Variants in PCDH9 observed in about 807,000 individuals in gnomAD.
PCDH9 encodes protocadherin 9.
PCDH9 carries 24 observed loss-of-function variants against 70.6 expected under a neutral mutation model. That is an observed-to-expected ratio of 0.34 (90% CI 0.25 to 0.48). The LOEUF is 0.48. Among genes scored for constraint, PCDH9 ranks in the 20% least tolerant of loss-of-function variants. The pLI is 0.99. For missense variants in PCDH9, 1,281 were observed against 1,503.6 expected, an observed-to-expected ratio of 0.85 and a Z score of 2.45; for synonymous variants, 562 against 558.5, an observed-to-expected ratio of 1.01 and a Z score of -0.09.
chr13:66,654,611 C>A (rs550303910), intron 3 of PCDH9, among the ~76,000 whole-genome samples: 5 of 151,880 alleles, frequency 3.3e-5, no homozygotes, highest in African/African-American at 1.2e-4. Flanking sequence ...TGTGTACACA[C>A]AAAAATTAAA....
At chr13:66,682,356 CTAT>C (rs2078336380) in intron 3 of PCDH9, among the ~76,000 whole-genome samples, 2 of 652 alleles carry the variant, frequency 3.1e-3, no homozygotes, top group Admixed American at 0.022. Context: ...TATTTATTAT[CTAT>C]CTATCTATCT....
chr13:66,591,192 G>A (rs940273970), intron 4 of PCDH9, among the ~76,000 whole-genome samples: 10 of 151,562 alleles, frequency 6.6e-5, no homozygotes, highest in Middle Eastern at 3.5e-3. Flanking sequence ...TTCAATTTTT[G>A]TCTTTGAATA....
At chr13:66,970,842 T>C (rs555317021) in intron 2 of PCDH9, among the ~76,000 whole-genome samples, 1 of 152,082 alleles carries the variant, frequency 6.6e-6, no homozygotes, top group East Asian at 1.9e-4. Context: ...ACTGAGGGCA[T>C]CTGTTTATTT....
chr13:66,932,659 C>CATAT lies in PCDH9; in HGVS notation c.3037-29058_3037-29055dup, dbSNP rs199791250. 1.7e-3 allele frequency among the ~76,000 whole-genome samples: 226 copies of CATAT among 130,356 alleles called. 3 individuals are homozygous for CATAT. Among genetic ancestry groups the CATAT allele is most frequent in the South Asian group, 4.6e-3 (19 of 4,098 alleles). The allele number at this position is 130,356 out of a possible 152,430, so 85.5% of individuals were successfully genotyped here. A position where few individuals can be genotyped will look rare whatever the true frequency, so the allele number is the denominator to read the frequency against. On this transcript the variant is annotated intron_variant, in intron 2 of 4. Transcript: ENST00000377865. The stretch of plus-strand genomic sequence containing the variant: ...CTAGGCTTAAATGTGTAAATCCTCA[C>CATAT]ATATATATATATATATATATATACA...
rs2085848436 is a variant in PCDH9, at chr13:67,074,963, C to T, written c.3036+150442G>A. Among the ~76,000 whole-genome samples the T allele has an allele frequency of 2.0e-5, 3 of 151,910 alleles. No homozygotes were observed. In the South Asian group the frequency reaches 6.2e-4, roughly 32 times the overall value. On this transcript the variant is annotated intron_variant, in intron 2 of 4. Transcript: ENST00000377865. ...ACCTGATCTGAAAATAGGATTTGCT[C>T]TTCCTAAGTTTAGACATTTTTTTTT...
At chr13:66,564,506 AT>A (rs939466092) in intron 4 of PCDH9, among the ~76,000 whole-genome samples, 2 of 151,972 alleles carry the variant, frequency 1.3e-5, no homozygotes, top group African/African-American at 2.4e-5. Context: ...AAATTTAATA[AT>A]TTTTTTTAAA....
chr13:66,902,542 G>A (rs749794842), intron 3 of PCDH9, among the ~76,000 whole-genome samples: 20 of 151,324 alleles, frequency 1.3e-4, no homozygotes, highest in African/African-American at 4.1e-4. Context: ...GGGGACCTAC[G>A]TTCTGTAAGA....
chr13:66,728,322 T>C (rs948632047), intron 3 of PCDH9, among the ~76,000 whole-genome samples: 13 of 152,170 alleles, frequency 8.5e-5, no homozygotes, highest in Non-Finnish European at 1.9e-4. Context: ...TTGTTCCTCA[T>C]TCAACATATA....
chr13:66,408,204 G>A (rs1005023526), intron 4 of PCDH9, among the ~76,000 whole-genome samples: 1 of 152,026 alleles, frequency 6.6e-6, no homozygotes, highest in African/African-American at 2.4e-5. Context: ...GACTACAGGC[G>A]CCCGCCACCG....
At chr13:66,802,473 T>C (rs765848805) in intron 3 of PCDH9, among the ~76,000 whole-genome samples, 18 of 152,098 alleles carry the variant, frequency 1.2e-4, no homozygotes, top group Non-Finnish European at 2.4e-4. Context: ...TAATAAATGT[T>C]ATTATAATTA....
chr13:67,005,076 A>G (rs2084323923), intron 2 of PCDH9, among the ~76,000 whole-genome samples: 1 of 151,616 alleles, frequency 6.6e-6, no homozygotes, highest in African/African-American at 2.4e-5. Flanking sequence ...GAAAGAGAAC[A>G]GATACTGTGT....
chr13:66,677,032 AC>A (rs751304868), intron 3 of PCDH9, among the ~76,000 whole-genome samples: 1 of 152,108 alleles, frequency 6.6e-6, no homozygotes, highest in Non-Finnish European at 1.5e-5. Context: ...CGAAGAAGAT[AC>A]AGATAGTGAC....
At chr13:66,627,938 A>G (rs1394742588) in intron 4 of PCDH9, among the ~76,000 whole-genome samples, 1 of 152,178 alleles carries the variant, frequency 6.6e-6, no homozygotes, top group African/African-American at 2.4e-5. Flanking sequence ...GTAAATTGTT[A>G]TATGTATTGG....
chr13:66,642,083 G>C (rs1390434514), intron 3 of PCDH9, among the ~76,000 whole-genome samples: 3 of 152,014 alleles, frequency 2.0e-5, no homozygotes, highest in African/African-American at 7.2e-5. Context: ...ATATACATTT[G>C]TGAGCATATG....
Position 67,230,220 on chromosome 13 carries a change from A to G in PCDH9, c.-576T>C, listed in dbSNP as rs1313015711. On this transcript the variant is annotated 5_prime_UTR_variant, in exon 1 of 5. Transcript: ENST00000377865. ...GTGACAGTTGCCCGAAAAATTCCTAATCGGTTATCTCTTGCGTGCTTCAGA... is the reference window on the plus strand; with the variant it reads ...GTGACAGTTGCCCGAAAAATTCCTAGTCGGTTATCTCTTGCGTGCTTCAGA... 6.6e-6 allele frequency: 1 copy of G among 152,144 alleles called. No individual in the cohort carries two copies. Among genetic ancestry groups the G allele is most frequent in the Non-Finnish European group, 1.5e-5 (1 of 68,040 alleles). The allele number at this position is 152,144 out of a possible 1,614,324, so 9.4% of individuals were successfully genotyped here.
At position 66,601,380 on chromosome 13, in the gene PCDH9, T is replaced by C. The variant is rs115897970; in HGVS notation, c.3340+29830A>G. Among the ~76,000 whole-genome samples the C allele has an allele frequency of 3.7e-3, 547 of 146,282 alleles. 38 individuals carry two copies. The highest frequency in any genetic ancestry group is 0.013 in the African/African-American group (527 of 40,686). ...CTCTGGATAATTTTTGCTAGAGAAT[T>C]ACATTGGCTACTTATATATGGTACA... On this transcript the variant is annotated intron_variant, in intron 4 of 4. Coordinates refer to ENST00000377865, the MANE Select transcript of PCDH9 (RefSeq NM_203487.3).
At chr13:66,406,542 G>T (rs1957284019) in intron 4 of PCDH9, among the ~76,000 whole-genome samples, 1 of 152,110 alleles carries the variant, frequency 6.6e-6, no homozygotes, top group South Asian at 2.1e-4. Context: ...ATTATGATCT[G>T]TTATTTACCC....
chr13:66,630,373 A>C (rs145602307), intron 4 of PCDH9, among the ~76,000 whole-genome samples: 1 of 152,166 alleles, frequency 6.6e-6, no homozygotes, highest in African/African-American at 2.4e-5. Flanking sequence ...CAGTCATTAG[A>C]CTGGGGATAA....
intron 2 of PCDH9, among the ~76,000 whole-genome samples, chr13:67,089,265 T>C (rs1217589043): frequency 6.6e-6 from 1 of 152,046 alleles, no homozygotes; most frequent in East Asian, 1.9e-4. Flanking sequence ...AGAAATAGAA[T>C]TGTCCATTTA....
Sources: allele counts gnomAD v4.1 joint callset (sites outside exome capture counted in the v4.1 genomes callset), GRCh38; gene constraint gnomAD v4.1.1; transcripts MANE v1.5; gene names NCBI Gene and HGNC (gene_info 2026-07-23, HGNC 2026-07-21).